The following SOAT1 variants were observed in gnomAD, a reference collection of about 807,000 sequenced individuals.
SOAT1 encodes acyl-coenzyme A:cholesterol acyltransferase 1.
Under a neutral mutation model 69.5 loss-of-function variants are expected in SOAT1, and 55 were observed. The ratio of observed to expected loss-of-function variants is 0.79; its 90% CI spans 0.64 to 0.99. SOAT1 has a LOEUF of 0.99. Ranked by LOEUF, SOAT1 falls within the 50% of genes least tolerant of loss-of-function variation. The pLI, the probability that SOAT1 is intolerant of heterozygous loss-of-function variation, is 0.00. For missense variants in SOAT1, 580 were observed against 669.3 expected (o/e 0.87, Z 1.47); for synonymous variants, 231 against 224.7 (o/e 1.03, Z -0.25).
intron 3 of SOAT1, among the ~76,000 whole-genome samples, chr1:179,328,108 G>T (rs1665849864): frequency 6.6e-6 from 1 of 152,072 alleles, no homozygotes; most frequent in South Asian, 2.1e-4. Flanking sequence ...TGTTGTTGTT[G>T]TTTTTAACAG....
chr1:179,315,882 T>C (rs1665374425), intron 2 of SOAT1, among the ~76,000 whole-genome samples: 1 of 152,232 alleles, frequency 6.6e-6, no homozygotes, highest in Non-Finnish European at 1.5e-5. Flanking sequence ...GCTTTTGTCT[T>C]CATTTTTTTA....
At chr1:179,295,783 C>T (rs902822810) in intron 1 of SOAT1, among the ~76,000 whole-genome samples, 2 of 150,904 alleles carry the variant, frequency 1.3e-5, no homozygotes, top group Non-Finnish European at 1.5e-5. Flanking sequence ...GGATTACAGG[C>T]GTGTCCCAGT....
chr1:179,329,281 G>C (rs1277596615), intron 3 of SOAT1, among the ~76,000 whole-genome samples: 1 of 151,722 alleles, frequency 6.6e-6, no homozygotes, highest in African/African-American at 2.4e-5. Context: ...AGAGGTTGCA[G>C]TGAGCCGAGA....
At chr1:179,347,756 T>A in intron 12 of SOAT1, 59 bp downstream of exon 12, 1 of 975,152 alleles carries the variant, frequency 1.0e-6, no homozygotes, top group Non-Finnish European at 1.6e-6. Flanking sequence ...TCATTATTAG[T>A]ATTTTGACAT....
In SOAT1 at chr1:179,358,400, T is replaced by C. The variant is rs1042978746; in HGVS notation, c.*4759T>C. ...ATGTCTTGTGGTGGTGTTTTCTTAATGAAATGGAAGCTGTACTTCCTGTTT... is the reference window on the plus strand; with the variant it reads ...ATGTCTTGTGGTGGTGTTTTCTTAACGAAATGGAAGCTGTACTTCCTGTTT... On this transcript the variant is annotated 3_prime_UTR_variant, in exon 16 of 16. Transcript: ENST00000367619. 1.3e-5 allele frequency: 2 copies of C among 152,236 alleles called. No individual in the cohort carries two copies. Among genetic ancestry groups the C allele is most frequent in the African/African-American group, 4.8e-5 (2 of 41,460 alleles). The allele number at this position is 152,236 out of a possible 1,614,324, so 9.4% of individuals were successfully genotyped here.
chr1:179,309,529 G>T (rs1665147700), intron 2 of SOAT1, among the ~76,000 whole-genome samples: 1 of 152,108 alleles, frequency 6.6e-6, no homozygotes, highest in Non-Finnish European at 1.5e-5. Flanking sequence ...AATCTTACCA[G>T]TCTTTTAAAA....
chr1:179,298,804 T>C (rs1664737940), intron 1 of SOAT1, among the ~76,000 whole-genome samples: 1 of 152,242 alleles, frequency 6.6e-6, no homozygotes. Flanking sequence ...AATAGTTGTA[T>C]GAGTACTCAA....
chr1:179,317,011 A>G (rs191382527), intron 2 of SOAT1, among the ~76,000 whole-genome samples: 5 of 152,198 alleles, frequency 3.3e-5, no homozygotes, highest in Non-Finnish European at 1.5e-5. Flanking sequence ...AAAACAGGTT[A>G]TAAAGCAGTA....
chr1:179,304,541 G>A (rs1664940151), intron 2 of SOAT1, among the ~76,000 whole-genome samples: 3 of 151,834 alleles, frequency 2.0e-5, no homozygotes. Context: ...GCCTCCCAAA[G>A]TGCTGGGATT....
chr1:179,296,754 G>A (rs748754748), intron 1 of SOAT1, among the ~76,000 whole-genome samples: 1 of 152,130 alleles, frequency 6.6e-6, no homozygotes, highest in African/African-American at 2.4e-5. Context: ...ACCTGGAGTA[G>A]GCACTCAGTA....
rs910686296 is a variant in SOAT1, at chr1:179,341,289, G to A, written c.759G>A (p.Arg253=). The A allele has an allele frequency of 3.7e-6, 6 of 1,613,852 alleles. No homozygotes were observed. The African/African-American group carries it at 5.3e-5, about 14-fold the overall frequency. The change falls in exon 7 of 16, where the codon CGG becomes CGA. Residue 253 remains arginine (R), a synonymous_variant. Transcript: ENST00000367619. ...CATATACACTGCCACCAGCTTCCCG[G>A]TTCATCATTATATTCGAGCAGGTAA... ...VLAYTLPPAS[R]FIIIFEQIRF...
intron 2 of SOAT1, among the ~76,000 whole-genome samples, chr1:179,303,399 A>G (rs1390363472): frequency 6.6e-6 from 1 of 152,168 alleles, no homozygotes; most frequent in African/African-American, 2.4e-5. Flanking sequence ...TGAATGATAG[A>G]CTTGTAAACA....
chr1:179,337,130 A>G (rs1245995442), intron 4 of SOAT1, among the ~76,000 whole-genome samples: 1 of 152,200 alleles, frequency 6.6e-6, no homozygotes, highest in Admixed American at 6.6e-5. Context: ...ATCAAAGGCT[A>G]ATATGTGTTA....
chr1:179,325,287 G>C (rs6668333), intron 3 of SOAT1, among the ~76,000 whole-genome samples: 149,020 of 151,504 alleles, frequency 0.98, 73,342 homozygotes, highest in Middle Eastern at 1. Context: ...GTATTTGGGA[G>C]TACAGGTGCC....
At chr1:179,320,860 A>C (rs1301280049) in intron 2 of SOAT1, among the ~76,000 whole-genome samples, 3 of 151,346 alleles carry the variant, frequency 2.0e-5, no homozygotes, top group African/African-American at 7.3e-5. Context: ...CATCTTCCCA[A>C]GTGTCAGGGA....
chr1:179,336,553 T>C (rs568131408), intron 4 of SOAT1, among the ~76,000 whole-genome samples: 7 of 151,900 alleles, frequency 4.6e-5, no homozygotes, highest in African/African-American at 1.7e-4. Context: ...GATGAATTCA[T>C]TTAAACCAAA....
intron 6 of SOAT1, among the ~76,000 whole-genome samples, chr1:179,340,468 G>T (rs1666294779): frequency 6.6e-6 from 1 of 152,130 alleles, no homozygotes; most frequent in African/African-American, 2.4e-5. Context: ...GGATGCAAAG[G>T]AGACCAGATC....
chr1:179,323,472 A>G lies in SOAT1; in HGVS notation c.154A>G (p.Ile52Val). 6.2e-7 allele frequency: 1 copy of G among 1,613,922 alleles called. No homozygotes were observed. The change falls in exon 3 of 16, where the codon ATA becomes GTA. Residue 52 changes from isoleucine (I) to valine (V), a missense_variant. Transcript: ENST00000367619. ...IDIKQLIAKKIKLTAEAEELK... is the reference protein window; with the variant it reads ...IDIKQLIAKKVKLTAEAEELK... The stretch of plus-strand genomic sequence containing the variant: ...CATAAAACAGTTGATAGCAAAGAAG[A>G]TAAAGTTGACAGCAGAGGCAGAGGC...
At chr1:179,303,853 G>T (rs1664915959) in intron 2 of SOAT1, among the ~76,000 whole-genome samples, 1 of 152,218 alleles carries the variant, frequency 6.6e-6, no homozygotes, top group Non-Finnish European at 1.5e-5. Flanking sequence ...TCCCTTGCCT[G>T]CATTCTCACG....
Sources: allele counts gnomAD v4.1 joint callset (sites outside exome capture counted in the v4.1 genomes callset), GRCh38; gene constraint gnomAD v4.1.1; transcripts MANE v1.5; gene names NCBI Gene and HGNC (gene_info 2026-07-23, HGNC 2026-07-21).